AIG1: variants seen among roughly 807,000 people sequenced by gnomAD.
AIG1 encodes androgen-induced gene 1 protein.
Under a neutral mutation model 31.4 loss-of-function variants are expected in AIG1, and 23 were observed. The ratio of observed to expected loss-of-function variants is 0.73; its 90% CI spans 0.53 to 1.04. The LOEUF (loss-of-function observed/expected upper bound fraction) is 1.04, where lower values mean the gene tolerates loss of function less well. Among genes scored for constraint, AIG1 ranks in the 50% least tolerant of loss-of-function variants. The pLI, the probability that AIG1 is intolerant of heterozygous loss-of-function variation, is 0.00. For synonymous variants in AIG1, 100 were observed against 110.5 expected (o/e 0.90, Z 0.60); for missense variants, 274 against 295.0 (o/e 0.93, Z 0.52).
At chr6:143,217,555 C>T (rs958505871) in intron 3 of AIG1, among the ~76,000 whole-genome samples, 2 of 152,150 alleles carry the variant, frequency 1.3e-5, no homozygotes, top group Admixed American at 6.5e-5. Context: ...GTCGCCCAGG[C>T]TGGAGTGGAG....
intron 1 of AIG1, among the ~76,000 whole-genome samples, chr6:143,087,643 G>T (rs1313781067): frequency 2.0e-5 from 3 of 152,224 alleles, no homozygotes; most frequent in African/African-American, 7.2e-5. Flanking sequence ...AGAGTGTGCA[G>T]TTGCAAGATT....
In AIG1 at chr6:143,179,325, A is replaced by G. The variant is rs9399427; in HGVS notation, c.399+14142A>G. 3.2e-3 allele frequency among the ~76,000 whole-genome samples: 487 copies of G among 152,358 alleles called. 13 individuals carry two copies. The East Asian group carries it at 0.061, about 19-fold the overall frequency. On this transcript the variant is annotated intron_variant, in intron 3 of 5. Coordinates refer to ENST00000357847, the MANE Select transcript of AIG1 (RefSeq NM_016108.4). ...AGATCTGTATAATTAAAAGAATTCCAAGAAAGAATGCACACTTTTCTTGTG... is the reference window on the plus strand; with the variant it reads ...AGATCTGTATAATTAAAAGAATTCCGAGAAAGAATGCACACTTTTCTTGTG...
At chr6:143,210,661 A>G (rs1328367846) in intron 3 of AIG1, among the ~76,000 whole-genome samples, 1 of 152,170 alleles carries the variant, frequency 6.6e-6, no homozygotes, top group African/African-American at 2.4e-5. Context: ...ACCACAGAAT[A>G]CTCAGTTCCT....
At chr6:143,107,466 G>A (rs1275249847) in intron 1 of AIG1, among the ~76,000 whole-genome samples, 1 of 152,106 alleles carries the variant, frequency 6.6e-6, no homozygotes, top group African/African-American at 2.4e-5. Flanking sequence ...GGTGATATAC[G>A]AGTGAACTGA....
chr6:143,095,941 T>C (rs995872145), intron 1 of AIG1, among the ~76,000 whole-genome samples: 11 of 134,522 alleles, frequency 8.2e-5, no homozygotes, highest in African/African-American at 3.0e-4. Context: ...GGAGTCTCAC[T>C]CTGTCACCAG....
At chr6:143,222,463 A>G (rs1339227898) in intron 3 of AIG1, among the ~76,000 whole-genome samples, 1 of 152,014 alleles carries the variant, frequency 6.6e-6, no homozygotes, top group Non-Finnish European at 1.5e-5. Context: ...GTGTGGCGTG[A>G]TAAGAAAAGT....
At position 143,323,472 on chromosome 6, in the gene AIG1, C is replaced by T. The variant is rs780256159; in HGVS notation, c.516-9810C>T. Among the ~76,000 whole-genome samples, 5 of 152,268 alleles carry T rather than the reference C, an allele frequency of 3.3e-5. No homozygotes were observed. In the South Asian group the frequency reaches 8.3e-4, roughly 25 times the overall value. The stretch of plus-strand genomic sequence containing the variant: ...CCTTAAAATATTGTCTTGAAAAATA[C>T]TGTAAACCCACTGTATATCAAAAAT... On this transcript the variant is annotated intron_variant, in intron 4 of 5. Transcript: ENST00000357847.
At chr6:143,269,484 A>G (rs950747939) in intron 3 of AIG1, among the ~76,000 whole-genome samples, 4 of 152,212 alleles carry the variant, frequency 2.6e-5, no homozygotes, top group African/African-American at 9.6e-5. Flanking sequence ...ATGCCTAAGA[A>G]AAATGCACGC....
intron 1 of AIG1, among the ~76,000 whole-genome samples, chr6:143,128,738 A>G (rs3804534): frequency 1.3e-5 from 2 of 152,226 alleles, no homozygotes; most frequent in African/African-American, 4.8e-5. Context: ...AAACACACAT[A>G]AAATGTCTGT....
At chr6:143,121,257 G>A (rs1035000310) in intron 1 of AIG1, among the ~76,000 whole-genome samples, 6 of 152,270 alleles carry the variant, frequency 3.9e-5, no homozygotes, top group Admixed American at 2.0e-4. Flanking sequence ...GGGTCTTCCC[G>A]ACCAAGCTGG....
chr6:143,103,664 C>T (rs966164328), intron 1 of AIG1, among the ~76,000 whole-genome samples: 4 of 151,448 alleles, frequency 2.6e-5, no homozygotes, highest in Non-Finnish European at 5.9e-5. Flanking sequence ...CCCGCCACTA[C>T]GCCCGGCTAA....
chr6:143,107,523 TAGA>T (rs1780909609), intron 1 of AIG1, among the ~76,000 whole-genome samples: 1 of 152,052 alleles, frequency 6.6e-6, no homozygotes, highest in Admixed American at 6.6e-5. Context: ...AAAAGTAAAC[TAGA>T]ATAAAGCTTC....
At chr6:143,213,708 G>A (rs1379423770) in intron 3 of AIG1, among the ~76,000 whole-genome samples, 2 of 147,052 alleles carry the variant, frequency 1.4e-5, no homozygotes, top group Non-Finnish European at 3.0e-5. Context: ...GTAGAGACAG[G>A]GTTTCACCTT....
intron 1 of AIG1, among the ~76,000 whole-genome samples, chr6:143,073,871 GT>G (rs1380165721): frequency 2.0e-5 from 3 of 152,206 alleles, no homozygotes; most frequent in Non-Finnish European, 4.4e-5. Flanking sequence ...AACAGGGATG[GT>G]GCTAAACCAT....
intron 3 of AIG1, chr6:143,187,474 G>A: frequency 6.5e-7 from 1 of 1,535,532 alleles, no homozygotes; most frequent in East Asian, 2.4e-5. Context: ...TCGACACTCT[G>A]CTCAATTGAA....
intron 3 of AIG1, among the ~76,000 whole-genome samples, chr6:143,183,613 G>T (rs1788953085): frequency 6.6e-6 from 1 of 152,140 alleles, no homozygotes; most frequent in African/African-American, 2.4e-5. Flanking sequence ...TGCCCTTGTT[G>T]TTGCTTTGTT....
At chr6:143,115,856 T>G (rs1583223895) in intron 1 of AIG1, among the ~76,000 whole-genome samples, 1 of 152,210 alleles carries the variant, frequency 6.6e-6, no homozygotes, top group African/African-American at 2.4e-5. Context: ...GTACTGGCTG[T>G]GTCCTGAATG....
intron 3 of AIG1, among the ~76,000 whole-genome samples, chr6:143,263,244 T>G (rs1795929823): frequency 6.6e-6 from 1 of 151,600 alleles, no homozygotes; most frequent in East Asian, 2.0e-4. Flanking sequence ...TAGCTTCCCC[T>G]CTTTGTTTTC....
Position 143,333,466 on chromosome 6 carries a change from C to T in AIG1, c.679+21C>T, listed in dbSNP as rs780738467. ...GAAAAGTAAGTATTGTCTGAGGGAA[C>T]ATAAAACAAGAGAATTACTGCCGGC... On this transcript the variant is annotated intron_variant, in intron 5 of 5. Transcript: ENST00000357847. The surrounding 1 kb of genome is among the most constrained non-coding windows in gnomAD (Gnocchi z 4.6). The T allele has an allele frequency of 5.5e-5, 88 of 1,608,036 alleles. No individual in the cohort carries two copies. Among genetic ancestry groups the T allele is most frequent in the Non-Finnish European group, 7.0e-5 (83 of 1,177,606 alleles).
Sources: gnomAD v4.1 joint callset for allele counts (sites outside exome capture counted in the v4.1 genomes callset) on GRCh38, gnomAD v4.1.1 for gene constraint, Gnocchi (gnomAD v3.1) non-coding constraint, MANE v1.5 for transcripts, NCBI Gene and HGNC (gene_info 2026-07-23, HGNC 2026-07-21) for gene names.